The following SLC8B1 variants were observed in gnomAD, a reference collection of about 807,000 sequenced individuals.
SLC8B1 encodes mitochondrial sodium/calcium exchanger protein.
Under a neutral mutation model 63.4 loss-of-function variants are expected in SLC8B1, and 52 were observed. The ratio of observed to expected loss-of-function variants is 0.82; its 90% confidence interval spans 0.66 to 1.03. SLC8B1 has a LOEUF of 1.03. Among genes scored for constraint, SLC8B1 ranks in the 50% least tolerant of loss-of-function variants. The pLI, the probability that SLC8B1 is intolerant of heterozygous loss-of-function variation, is 0.00. For synonymous variants in SLC8B1, 336 were observed against 323.9 expected, an observed-to-expected ratio of 1.04 and a Z score of -0.40; for missense variants, 657 against 741.7, an observed-to-expected ratio of 0.89 and a Z score of 1.33.
chr12:113,321,016 C>T, intron 4 of SLC8B1, 40 bp downstream of exon 4: 1 of 1,601,768 alleles, frequency 6.2e-7, no homozygotes, highest in Non-Finnish European at 8.5e-7. Flanking sequence ...GACCCCTCCT[C>T]CCATTGATAA....
Position 113,321,068 on chromosome 12 carries a change from G to A in SLC8B1, c.350C>T (p.Thr117Ile). Reference protein sequence around the residue: ...LLYLFLILGVTAAKFFCPNLS... With the variant: ...LLYLFLILGVIAAKFFCPNLS... ...GAGCCAAACTCACAACTTGGCTGCG[G>A]TGACTCCCAGAATCAGAAACAGGTA... The change falls in exon 4 of 16, where the codon ACC (threonine) becomes ATC (isoleucine). Residue 117 changes from threonine to isoleucine, a missense_variant. Physicochemically the swap from Thr to Ile is moderately conservative, Grantham distance 89. Coordinates refer to ENST00000680972, the MANE Select transcript of SLC8B1 (RefSeq NM_001358345.2). The A allele has an allele frequency of 9.3e-6, 15 of 1,613,380 alleles. No individual in the cohort carries two copies. Among genetic ancestry groups the A allele is most frequent in the Non-Finnish European group, 1.2e-5 (14 of 1,179,686 alleles).
In SLC8B1 at chr12:113,310,281, C is replaced by A. The variant is rs1271317751; in HGVS notation, c.1210G>T (p.Val404Leu). 1 of 1,614,124 alleles carries A rather than the reference C, an allele frequency of 6.2e-7. No individual in the cohort carries two copies. ...VVIAGTALASVTFFATSDSQP... is the reference protein window; with the variant it reads ...VVIAGTALASLTFFATSDSQP... ...CTGTCAGATGTGGCAAAAAAGGTCA[C>A]TGAAGCCAAGGCTGTGCCTGCGATC... The change falls in exon 12 of 16, where the codon GTG (valine) becomes TTG (leucine). Residue 404 changes from valine (V) to leucine (L), a missense_variant. Physicochemically the swap from Val to Leu is conservative, Grantham distance 32. Coordinates refer to ENST00000680972, the MANE Select transcript of SLC8B1 (RefSeq NM_001358345.2).
chr12:113,314,798 G>A (rs1042619681), intron 11 of SLC8B1, among the ~76,000 whole-genome samples: 3 of 152,238 alleles, frequency 2.0e-5, no homozygotes, highest in Non-Finnish European at 4.4e-5. Context: ...ACAAGCTAGA[G>A]GGCTGGATTT....
chr12:113,319,695 C>A (rs1328798329), intron 7 of SLC8B1, among the ~76,000 whole-genome samples: 1 of 152,208 alleles, frequency 6.6e-6, no homozygotes, highest in East Asian at 1.9e-4. Context: ...TCCATTCATA[C>A]CCCTTGAGCC....
At chr12:113,312,809 T>C (rs1414224408) in intron 11 of SLC8B1, among the ~76,000 whole-genome samples, 7 of 152,358 alleles carry the variant, frequency 4.6e-5, no homozygotes, top group East Asian at 3.9e-4. Flanking sequence ...TTGGTGCTAA[T>C]AGGACTTGAA....
At chr12:113,333,583 C>T (rs1957087323) in intron 1 of SLC8B1, among the ~76,000 whole-genome samples, 2 of 152,176 alleles carry the variant, frequency 1.3e-5, no homozygotes, top group South Asian at 4.1e-4. Flanking sequence ...CAGGTGAAGC[C>T]AGGCTTGTTT....
chr12:113,320,506 G>C lies in SLC8B1; in HGVS notation c.527-8C>G. 6.2e-7 allele frequency: 1 copy of C among 1,613,994 alleles called. No individual in the cohort carries two copies. Among genetic ancestry groups the C allele is most frequent in the Non-Finnish European group, 8.5e-7 (1 of 1,179,994 alleles). Reference sequence around the variant, plus strand: ...TAACCAGCACGCCAGCGCCTGGGGGGAGGAGGCCAGAGCTCAGCCACCCTG... The same window carrying C: ...TAACCAGCACGCCAGCGCCTGGGGGCAGGAGGCCAGAGCTCAGCCACCCTG... On this transcript the variant is annotated splice_polypyrimidine_tract_variant and splice_region_variant and intron_variant, in intron 6 of 15. Coordinates refer to ENST00000680972, the MANE Select transcript of SLC8B1 (RefSeq NM_001358345.2). The surrounding 1 kb of genome is among the most constrained non-coding windows in gnomAD (Gnocchi z 5.3).
chr12:113,325,730 A>G (rs1956989284), intron 2 of SLC8B1, among the ~76,000 whole-genome samples: 1 of 149,906 alleles, frequency 6.7e-6, no homozygotes, highest in South Asian at 2.1e-4. Context: ...ACGCCCAGCT[A>G]ATTTTTTGTA....
At chr12:113,306,143 A>G (rs1359291086) in intron 14 of SLC8B1, among the ~76,000 whole-genome samples, 1 of 150,406 alleles carries the variant, frequency 6.6e-6, no homozygotes, top group Non-Finnish European at 1.5e-5. Context: ...AACATAGACC[A>G]TGACATGTCG....
At chr12:113,329,259 A>G (rs1308423538) in intron 2 of SLC8B1, among the ~76,000 whole-genome samples, 1 of 152,212 alleles carries the variant, frequency 6.6e-6, no homozygotes, top group Non-Finnish European at 1.5e-5. Flanking sequence ...TGGCTTGCCC[A>G]GGAGCACACA....
chr12:113,304,219 T>G (rs1213630915), intron 15 of SLC8B1, 102 bp downstream of exon 15: 13 of 1,067,102 alleles, frequency 1.2e-5, no homozygotes, highest in Non-Finnish European at 1.9e-5. Flanking sequence ...AGCCAGGGAC[T>G]TAAGTGATGG....
At chr12:113,322,239 T>C (rs751321210) in intron 2 of SLC8B1, among the ~76,000 whole-genome samples, 1 of 152,096 alleles carries the variant, frequency 6.6e-6, no homozygotes, top group Non-Finnish European at 1.5e-5. Flanking sequence ...GAAGGAACTA[T>C]TATCATGCCC....
chr12:113,323,645 G>A (rs1956959379), intron 2 of SLC8B1, among the ~76,000 whole-genome samples: 1 of 151,926 alleles, frequency 6.6e-6, no homozygotes, highest in Admixed American at 6.6e-5. Context: ...GGAGGCAGAG[G>A]TTGCAGTGAG....
intron 13 of SLC8B1, 52 bp downstream of exon 13, chr12:113,307,639 C>G: frequency 6.3e-7 from 1 of 1,583,060 alleles, no homozygotes; most frequent in East Asian, 2.2e-5. Flanking sequence ...GAGGAAAGAG[C>G]TAAGATGTGG....
chr12:113,301,145 AAG>A (rs1956581582), intron 15 of SLC8B1, among the ~76,000 whole-genome samples: 2 of 152,068 alleles, frequency 1.3e-5, no homozygotes, highest in Non-Finnish European at 2.9e-5. Flanking sequence ...CAAAAAACAA[AAG>A]AAGAAAAAAG....
chr12:113,305,058 T>A lies in SLC8B1; in HGVS notation c.1493-673A>T, dbSNP rs944728208. Among the ~76,000 whole-genome samples the A allele has an allele frequency of 1.3e-5, 2 of 152,130 alleles. No individual in the cohort carries two copies. The highest frequency in any genetic ancestry group is 4.8e-5 in the African/African-American group (2 of 41,420). ...TCTCTAAGGATCGAACACCTTAGGG[T>A]GCCAGGAATGCTTGGCGCATGTAAG... On this transcript the variant is annotated intron_variant, in intron 14 of 15. Coordinates refer to ENST00000680972, the MANE Select transcript of SLC8B1 (RefSeq NM_001358345.2). This position sits in a 1 kb window ranked among gnomAD's most constrained non-coding sequence, Gnocchi z 4.3.
chr12:113,303,145 G>A (rs539022875), intron 15 of SLC8B1, among the ~76,000 whole-genome samples: 14 of 123,290 alleles, frequency 1.1e-4, no homozygotes, highest in Middle Eastern at 4.0e-3. Context: ...ACACACACGC[G>A]CGCGCACAGG....
At position 113,305,612 on chromosome 12, in the gene SLC8B1, G is replaced by A. The variant is rs1173103199; in HGVS notation, c.1492+883C>T. 3.9e-5 allele frequency among the ~76,000 whole-genome samples: 6 copies of A among 152,124 alleles called. No homozygotes were observed. Among genetic ancestry groups the A allele is most frequent in the African/African-American group, 7.2e-5 (3 of 41,412 alleles). ...AAAAGTTGGCAAACATCAGCCCTCC[G>A]GCCAAATTTGGCCCACTAACTGCTT... is the stretch of plus-strand genomic sequence containing the variant. On this transcript the variant is annotated intron_variant, in intron 14 of 15. Transcript: ENST00000680972. The surrounding 1 kb of genome is among the most constrained non-coding windows in gnomAD (Gnocchi z 4.3).
intron 11 of SLC8B1, among the ~76,000 whole-genome samples, chr12:113,313,106 G>C (rs1956785395): frequency 6.6e-6 from 1 of 151,992 alleles, no homozygotes; most frequent in Admixed American, 6.6e-5. Context: ...AGGTTTCATT[G>C]TGTTGGCCAG....
Sources: allele counts gnomAD v4.1 joint callset (sites outside exome capture counted in the v4.1 genomes callset), GRCh38; gene constraint gnomAD v4.1.1; non-coding constraint Gnocchi (gnomAD v3.1); transcripts MANE v1.5; gene names NCBI Gene and HGNC (gene_info 2026-07-23, HGNC 2026-07-21).